Variants in ANGPT1 observed in about 807,000 individuals in gnomAD.
ANGPT1 encodes angiopoietin-1.
A neutral mutation model predicts 62.2 loss-of-function variants in ANGPT1; 17 were observed. That is an observed-to-expected ratio of 0.27 (90% CI 0.19 to 0.41). The LOEUF (loss-of-function observed/expected upper bound fraction) is 0.41, where lower values mean the gene tolerates loss of function less well. Ranked by LOEUF, ANGPT1 falls within the 10% of genes least tolerant of loss-of-function variation. The probability of loss-of-function intolerance (pLI) is 1.00; values close to 1 mark genes in which losing one functional copy is unlikely to be tolerated. For synonymous variants in ANGPT1, 199 were observed against 198.9 expected (o/e 1.00, Z 0.00); for missense variants, 478 against 594.9 (o/e 0.80, Z 2.04).
intron 1 of ANGPT1, among the ~76,000 whole-genome samples, chr8:107,454,732 C>T (rs1218239538): frequency 6.6e-6 from 1 of 152,048 alleles, no homozygotes; most frequent in Non-Finnish European, 1.5e-5. Flanking sequence ...TTTCACCTGC[C>T]TAACTTTGTT....
intron 1 of ANGPT1, among the ~76,000 whole-genome samples, chr8:107,389,339 A>G (rs975348515): frequency 3.3e-5 from 5 of 152,116 alleles, no homozygotes; most frequent in African/African-American, 1.2e-4. Flanking sequence ...TTTGAGTTAG[A>G]TCTAGGTCTG....
chr8:107,473,878 G>T (rs1812430643), intron 1 of ANGPT1, among the ~76,000 whole-genome samples: 1 of 151,880 alleles, frequency 6.6e-6, no homozygotes, highest in South Asian at 2.1e-4. Context: ...AAGGGAACGG[G>T]AATGGAATGT....
chr8:107,451,714 A>G (rs1811782429), intron 1 of ANGPT1, among the ~76,000 whole-genome samples: 3 of 152,030 alleles, frequency 2.0e-5, no homozygotes, highest in Middle Eastern at 6.8e-3. Context: ...CAGGGATGCC[A>G]TTGTGGAGGT....
chr8:107,323,540 C>G (rs1210536258), intron 3 of ANGPT1, among the ~76,000 whole-genome samples: 2 of 152,104 alleles, frequency 1.3e-5, no homozygotes. Flanking sequence ...GTCTTTTACA[C>G]AGATTAAGAA....
chr8:107,329,136 T>C lies in ANGPT1; in HGVS notation c.576-7008A>G, dbSNP rs187847495. Among the ~76,000 whole-genome samples, 10 of 152,042 alleles carry C rather than the reference T, an allele frequency of 6.6e-5. No homozygotes were observed. The East Asian group carries it at 2.0e-3, about 30-fold the overall frequency. On this transcript the variant is annotated intron_variant, in intron 3 of 8. Coordinates refer to ENST00000517746, the MANE Select transcript of ANGPT1 (RefSeq NM_001146.5). Reference sequence around the variant, plus strand: ...ACAAGTACTTGTGCATGTGTGCAATTATATATGAGTGTACATCTGTGTAAA... The same window carrying C: ...ACAAGTACTTGTGCATGTGTGCAATCATATATGAGTGTACATCTGTGTAAA...
At chr8:107,361,634 A>G (rs947880642) in intron 1 of ANGPT1, among the ~76,000 whole-genome samples, 3 of 141,066 alleles carry the variant, frequency 2.1e-5, no homozygotes, top group Middle Eastern at 3.3e-3. Flanking sequence ...ATATCAATAT[A>G]GAATATATGT....
chr8:107,494,636 C>T (rs1383102066), intron 1 of ANGPT1: 5 of 152,154 alleles, frequency 3.3e-5, no homozygotes, highest in African/African-American at 1.2e-4. Flanking sequence ...GAAAGCAGTG[C>T]CATAACAGTT....
At chr8:107,459,909 G>T (rs1376406504) in intron 1 of ANGPT1, among the ~76,000 whole-genome samples, 2 of 152,124 alleles carry the variant, frequency 1.3e-5, no homozygotes, top group Non-Finnish European at 2.9e-5. Context: ...AGAAAGAAAT[G>T]AAAAGAGAAC....
At chr8:107,495,265 G>A (rs539316838) in intron 1 of ANGPT1, among the ~76,000 whole-genome samples, 4 of 152,232 alleles carry the variant, frequency 2.6e-5, no homozygotes, top group Admixed American at 2.0e-4. Context: ...CAATAGGGAC[G>A]TTTTCAGCAT....
At chr8:107,438,184 A>G (rs1811379141) in intron 1 of ANGPT1, among the ~76,000 whole-genome samples, 1 of 152,242 alleles carries the variant, frequency 6.6e-6, no homozygotes, top group Non-Finnish European at 1.5e-5. Context: ...TCATTTGTTA[A>G]TAATGGCCCA....
chr8:107,286,944 A>C (rs1814156317), intron 6 of ANGPT1, among the ~76,000 whole-genome samples: 1 of 152,186 alleles, frequency 6.6e-6, no homozygotes, highest in South Asian at 2.1e-4. Context: ...AACAAAACAG[A>C]AAGTTACAGG....
At chr8:107,463,274 A>G (rs1180391793) in intron 1 of ANGPT1, among the ~76,000 whole-genome samples, 2 of 151,854 alleles carry the variant, frequency 1.3e-5, no homozygotes, top group East Asian at 3.9e-4. Flanking sequence ...TCATTTCCCC[A>G]CTCAAACATT....
intron 1 of ANGPT1, among the ~76,000 whole-genome samples, chr8:107,373,270 G>T (rs1563592802): frequency 1.6e-5 from 1 of 61,560 alleles, no homozygotes; most frequent in African/African-American, 4.0e-5. Flanking sequence ...GTACAAAATA[G>T]ATTTTTTTTT....
chr8:107,386,958 G>A (rs1240957438), intron 1 of ANGPT1, among the ~76,000 whole-genome samples: 1 of 151,988 alleles, frequency 6.6e-6, no homozygotes, highest in African/African-American at 2.4e-5. Context: ...TTAAAAACAA[G>A]TTATTAGACA....
intron 4 of ANGPT1, among the ~76,000 whole-genome samples, chr8:107,305,426 C>T (rs1268430362): frequency 6.6e-6 from 1 of 151,916 alleles, no homozygotes; most frequent in East Asian, 1.9e-4. Flanking sequence ...CATCTCTCCT[C>T]CCATTTTTGC....
intron 1 of ANGPT1, among the ~76,000 whole-genome samples, chr8:107,423,583 C>T (rs905038022): frequency 7.2e-5 from 11 of 152,186 alleles, no homozygotes; most frequent in East Asian, 1.9e-4. Context: ...GAACACCCCC[C>T]GACTCCTCCT....
At chr8:107,491,658 C>G (rs1812960167) in intron 1 of ANGPT1, among the ~76,000 whole-genome samples, 1 of 151,984 alleles carries the variant, frequency 6.6e-6, no homozygotes, top group Non-Finnish European at 1.5e-5. Flanking sequence ...AACAAGAAGG[C>G]CAATGTCACT....
In ANGPT1 at chr8:107,301,328, G is replaced by T. The variant is rs190201344; in HGVS notation, c.936+1912C>A. ...CTCTAGTGGAACTGACAATAATTTA[G>T]AGGTTCTTTCAGGTCTTGAGTAGTA... On this transcript the variant is annotated intron_variant, in intron 5 of 8. Transcript: ENST00000517746. 1.5e-3 allele frequency among the ~76,000 whole-genome samples: 222 copies of T among 151,954 alleles called. 1 individual carries two copies. Among genetic ancestry groups the T allele is most frequent in the Middle Eastern group, 6.8e-3 (2 of 294 alleles).
At chr8:107,433,443 A>G in intron 1 of ANGPT1, among the ~76,000 whole-genome samples, 1 of 152,200 alleles carries the variant, frequency 6.6e-6, no homozygotes, top group East Asian at 1.9e-4. Flanking sequence ...CAGACATACT[A>G]TTCAATCAGG....
Sources: allele counts gnomAD v4.1 joint callset (sites outside exome capture counted in the v4.1 genomes callset), GRCh38; gene constraint gnomAD v4.1.1; transcripts MANE v1.5; gene names NCBI Gene and HGNC (gene_info 2026-07-23, HGNC 2026-07-21).